Variants in CHIC1 observed in about 807,000 individuals in gnomAD.
CHIC1 encodes cysteine rich hydrophobic domain 1.
Under a neutral mutation model 18.5 loss-of-function variants are expected in CHIC1, and 7 were observed. The observed-to-expected ratio is 0.38, with a 90% confidence interval of 0.22 to 0.71. The LOEUF (loss-of-function observed/expected upper bound fraction) is 0.71, where lower values mean the gene tolerates loss of function less well. CHIC1 is among the 30% of genes least tolerant of loss of function. The pLI is 0.49. For synonymous variants in CHIC1, 77 were observed against 73.5 expected (o/e 1.05, Z -0.25); for missense variants, 159 against 176.9 (o/e 0.90, Z 0.57).
Position 73,579,173 on chromosome X carries a change from A to G in CHIC1, c.351+1712A>G, listed in dbSNP as rs537761012. Among the ~76,000 whole-genome samples, 117 of 110,407 alleles carry G rather than the reference A, an allele frequency of 1.1e-3. 3 individuals carry two copies. In the South Asian group the frequency reaches 0.025, roughly 24 times the overall value. On this transcript the variant is annotated intron_variant, in intron 2 of 5. Transcript: ENST00000373502. ...GCTTGAGACAGAATATAGTAGTTAAACAAGCTTTGCAGTCAAATCTGGGTT... is the reference window on the plus strand; with the variant it reads ...GCTTGAGACAGAATATAGTAGTTAAGCAAGCTTTGCAGTCAAATCTGGGTT...
intron 3 of CHIC1, among the ~76,000 whole-genome samples, chrX:73,637,211 C>T (rs1487657009): frequency 9.0e-6 from 1 of 110,731 alleles, no homozygotes; most frequent in Non-Finnish European, 1.9e-5. Flanking sequence ...GCCTTCTTGC[C>T]TCCAAAGTTT....
At chrX:73,591,324 G>A (rs1001551383) in intron 3 of CHIC1, among the ~76,000 whole-genome samples, 1 of 110,068 alleles carries the variant, frequency 9.1e-6, no homozygotes, top group Non-Finnish European at 1.9e-5. Context: ...AGGGCTTAGT[G>A]GCCTCCAAAT....
chrX:73,609,358 T>C (rs758602144), intron 3 of CHIC1, among the ~76,000 whole-genome samples: 2 of 108,466 alleles, frequency 1.8e-5, no homozygotes, highest in East Asian at 5.7e-4. Context: ...ATGGCCTTTA[T>C]CATGTTGAGT....
intron 1 of CHIC1, among the ~76,000 whole-genome samples, chrX:73,575,095 C>T (rs2057490761): frequency 9.1e-6 from 1 of 109,834 alleles, no homozygotes; most frequent in African/African-American, 3.3e-5. Flanking sequence ...TTTTTCAACA[C>T]TGATTAGATT....
At chrX:73,598,514 A>G (rs1407317879) in intron 3 of CHIC1, among the ~76,000 whole-genome samples, 1 of 78,183 alleles carries the variant, frequency 1.3e-5, no homozygotes, top group African/African-American at 5.2e-5. Context: ...CCAGAGTGTG[A>G]TATTCCCCTT....
Position 73,686,645 on chromosome X carries a change from A to G in CHIC1, c.*5640A>G, listed in dbSNP as rs2058123467. 1 of 111,703 alleles carries G rather than the reference A, an allele frequency of 9.0e-6. No individual in the cohort carries two copies. The highest frequency in any genetic ancestry group is 1.9e-5 in the Non-Finnish European group (1 of 53,009). 9.2% of individuals were successfully genotyped at this position (111,703 alleles called of 1,213,427 possible). A position where few individuals can be genotyped will look rare whatever the true frequency, so the allele number is the denominator to read the frequency against. On this transcript the variant is annotated 3_prime_UTR_variant, in exon 6 of 6. Transcript: ENST00000373502. ...TAATGCCTGGACTTTGAAACAAGTA[A>G]CAAGTGTTTGAAAGTATATAATCTA...
In CHIC1 at chrX:73,601,512, C is replaced by T. The variant is rs1378245504; in HGVS notation, c.507+16940C>T. 1.7e-4 allele frequency among the ~76,000 whole-genome samples: 18 copies of T among 106,286 alleles called. 1 individual carries two copies. The highest frequency in any genetic ancestry group is 1.2e-3 in the East Asian group (4 of 3,454). The allele number at this position is 106,286 out of a possible 115,157, so 92.3% of individuals were successfully genotyped here. ...AAATAAAGATGTTCTTTGAAACCAA[C>T]GAGAACAAAGACACAACATACCAGA... is the stretch of plus-strand genomic sequence containing the variant. On this transcript the variant is annotated intron_variant, in intron 3 of 5. Coordinates refer to ENST00000373502, the MANE Select transcript of CHIC1 (RefSeq NM_001039840.4).
intron 3 of CHIC1, among the ~76,000 whole-genome samples, chrX:73,595,438 C>A (rs976549876): frequency 1.8e-5 from 2 of 111,189 alleles, no homozygotes; most frequent in Non-Finnish European, 3.8e-5. Context: ...GTTTTCTGTT[C>A]CTGTGTTAGT....
rs1241136046 is a variant in CHIC1, at chrX:73,686,551, ATTTC to A, written c.*5550_*5553del. 37 of 111,857 alleles carry A rather than the reference ATTTC, an allele frequency of 3.3e-4. No homozygotes were observed. The highest frequency in any genetic ancestry group is 1.1e-3 in the African/African-American group (34 of 30,904). The allele number at this position is 111,857 out of a possible 1,213,427, so 9.2% of individuals were successfully genotyped here. A position where few individuals can be genotyped will look rare whatever the true frequency, so the allele number is the denominator to read the frequency against. ...GCAATAATTTCTCAAATGTTCTTTT[ATTTC>A]TTTGTTTTTATCTCGACTTTTTATT... On this transcript the variant is annotated 3_prime_UTR_variant, in exon 6 of 6. Transcript: ENST00000373502.
chrX:73,670,480 T>G (rs1418304482), intron 3 of CHIC1, among the ~76,000 whole-genome samples: 2 of 111,106 alleles, frequency 1.8e-5, no homozygotes, highest in African/African-American at 6.5e-5. Flanking sequence ...AGTCTCTATT[T>G]TTTTCTGCTT....
chrX:73,675,368 A>G (rs4460553), intron 3 of CHIC1, among the ~76,000 whole-genome samples: 6,343 of 111,111 alleles, frequency 0.057, 464 homozygotes, highest in African/African-American at 0.19. Flanking sequence ...GGGAGTCTAA[A>G]TCTCTTTGTA....
chrX:73,583,513 G>A (rs2057537736), intron 2 of CHIC1, among the ~76,000 whole-genome samples: 1 of 111,233 alleles, frequency 9.0e-6, no homozygotes, highest in Admixed American at 9.6e-5. Flanking sequence ...ATAGCCAGAT[G>A]CTAAATGTTC....
rs193277171 is a variant in CHIC1, at chrX:73,643,453, T to C, written c.508-35873T>C. Among the ~76,000 whole-genome samples, 714 of 111,761 alleles carry C rather than the reference T, an allele frequency of 6.4e-3. 8 individuals carry two copies. Among genetic ancestry groups the C allele is most frequent in the African/African-American group, 0.022 (669 of 30,761 alleles). On this transcript the variant is annotated intron_variant, in intron 3 of 5. Transcript: ENST00000373502. The stretch of plus-strand genomic sequence containing the variant: ...GGGGAAGTTCTCCTGGATAATATCC[T>C]GCAGAGTGTTTTCCAACTTGGTTCC...
At chrX:73,595,686 AC>A (rs2147560540) in intron 3 of CHIC1, among the ~76,000 whole-genome samples, 1 of 111,279 alleles carries the variant, frequency 9.0e-6, no homozygotes, top group South Asian at 3.8e-4. Context: ...TTTGGTATAT[AC>A]CCAGTAATGT....
chrX:73,676,710 T>C (rs7888409), intron 3 of CHIC1, among the ~76,000 whole-genome samples: 5,619 of 111,631 alleles, frequency 0.05, 362 homozygotes, highest in African/African-American at 0.17. Flanking sequence ...GTTTGATCAT[T>C]TGAAGCCTTC....
intron 3 of CHIC1, among the ~76,000 whole-genome samples, chrX:73,655,527 T>C (rs1436128274): frequency 9.2e-5 from 7 of 76,239 alleles, no homozygotes; most frequent in East Asian, 3.8e-4. Context: ...CAATATTGTG[T>C]ATATATATAT....
At chrX:73,664,245 C>T (rs1334850960) in intron 3 of CHIC1, among the ~76,000 whole-genome samples, 1 of 111,707 alleles carries the variant, frequency 9.0e-6, no homozygotes, top group African/African-American at 3.3e-5. Context: ...CAATGTTTCC[C>T]TTTTTACATC....
intron 3 of CHIC1, among the ~76,000 whole-genome samples, chrX:73,661,337 A>G (rs763371861): frequency 8.9e-5 from 10 of 112,127 alleles, no homozygotes; most frequent in Non-Finnish European, 1.7e-4. Flanking sequence ...TGTTTGCCAT[A>G]ACTAATTAGG....
intron 3 of CHIC1, among the ~76,000 whole-genome samples, chrX:73,675,972 A>T (rs963256691): frequency 5.6e-4 from 62 of 110,817 alleles, no homozygotes; most frequent in South Asian, 3.8e-4. Flanking sequence ...AAAGGATTTT[A>T]TTTCTCCTTC....
Sources: allele counts gnomAD v4.1 joint callset (sites outside exome capture counted in the v4.1 genomes callset), GRCh38; gene constraint gnomAD v4.1.1; transcripts MANE v1.5; gene names NCBI Gene and HGNC (gene_info 2026-07-23, HGNC 2026-07-21).